ABCC3: variants seen among roughly 807,000 people sequenced by gnomAD.
ABCC3 encodes ATP binding cassette subfamily C member 3.
A neutral mutation model predicts 165.3 loss-of-function variants in ABCC3; 121 were observed. The ratio of observed to expected loss-of-function variants is 0.73; its 90% confidence interval spans 0.63 to 0.85. The LOEUF is 0.85. Among genes scored for constraint, ABCC3 ranks in the 40% least tolerant of loss-of-function variants. The pLI, the probability that ABCC3 is intolerant of heterozygous loss-of-function variation, is 0.00. For synonymous variants in ABCC3, 733 were observed against 810.1 expected, an observed-to-expected ratio of 0.90 and a Z score of 1.62; for missense variants, 1,869 against 1,964.1, an observed-to-expected ratio of 0.95 and a Z score of 0.92.
intron 25 of ABCC3, chr17:50,679,442 C>T: frequency 5.7e-6 from 1 of 174,824 alleles, no homozygotes; most frequent in Non-Finnish European, 1.2e-5. Flanking sequence ...CATCACCATC[C>T]TCTGGGAGCT....
chr17:50,681,717 A>G (rs1967932051), intron 26 of ABCC3, among the ~76,000 whole-genome samples: 1 of 152,080 alleles, frequency 6.6e-6, no homozygotes, highest in Admixed American at 6.6e-5. Flanking sequence ...ACAGCTCACC[A>G]GTGACCTTCC....
intron 1 of ABCC3, among the ~76,000 whole-genome samples, chr17:50,649,580 C>CA (rs869270079): frequency 1.0e-5 from 1 of 96,644 alleles, no homozygotes; most frequent in South Asian, 4.3e-4. Context: ...GAGACTTTGT[C>CA]AAAAAAAGAA....
At chr17:50,646,737 G>T (rs999675569) in intron 1 of ABCC3, among the ~76,000 whole-genome samples, 1 of 152,208 alleles carries the variant, frequency 6.6e-6, no homozygotes, top group South Asian at 2.1e-4. Flanking sequence ...GAAGAGATGA[G>T]GGTCTGGCCA....
intron 30 of ABCC3, among the ~76,000 whole-genome samples, chr17:50,689,304 G>A (rs1968076758): frequency 6.6e-6 from 1 of 152,220 alleles, no homozygotes; most frequent in African/African-American, 2.4e-5. Flanking sequence ...ATGAGGGGAG[G>A]GGCCATGCCC....
intron 1 of ABCC3, chr17:50,635,314 G>C: frequency 1.6e-6 from 1 of 628,454 alleles, no homozygotes; most frequent in Non-Finnish European, 2.9e-6. Context: ...CCTCCGTCGG[G>C]TGCGGAAGGG....
chr17:50,664,487 G>A (rs541065333), intron 10 of ABCC3: 8 of 243,356 alleles, frequency 3.3e-5, no homozygotes, highest in East Asian at 2.2e-4. Flanking sequence ...GGTGGATCAC[G>A]AGGTCAGGAG....
At chr17:50,640,606 C>T (rs1264042411) in intron 1 of ABCC3, among the ~76,000 whole-genome samples, 2 of 152,162 alleles carry the variant, frequency 1.3e-5, no homozygotes, top group Non-Finnish European at 2.9e-5. Context: ...GCAACCTCCG[C>T]CTCCCAGGTT....
At chr17:50,672,229 C>T (rs1967663553) in intron 17 of ABCC3, among the ~76,000 whole-genome samples, 1 of 152,186 alleles carries the variant, frequency 6.6e-6, no homozygotes, top group Non-Finnish European at 1.5e-5. Flanking sequence ...ATATTTCAAC[C>T]ATATCACCTA....
intron 29 of ABCC3, 70 bp downstream of exon 29, chr17:50,684,945 C>T: frequency 1.3e-6 from 2 of 1,546,060 alleles, no homozygotes; most frequent in Middle Eastern, 1.9e-4. Flanking sequence ...TGCTGGGAAA[C>T]CTGACACCAA....
chr17:50,641,758 C>T (rs747995515), intron 1 of ABCC3, among the ~76,000 whole-genome samples: 1 of 152,070 alleles, frequency 6.6e-6, no homozygotes, highest in Non-Finnish European at 1.5e-5. Context: ...AAACAAGAAT[C>T]ATAAAGGCCA....
chr17:50,651,757 G>A (rs903729796), intron 1 of ABCC3, among the ~76,000 whole-genome samples: 6 of 152,120 alleles, frequency 3.9e-5, no homozygotes, highest in African/African-American at 1.2e-4. Flanking sequence ...GTATAGGAAG[G>A]ACATCTTTTA....
At chr17:50,677,596 C>A in intron 23 of ABCC3, 148 bp from the exon 24 acceptor site, 4 of 767,482 alleles carry the variant, frequency 5.2e-6, no homozygotes, top group Non-Finnish European at 8.7e-6. Flanking sequence ...AGTCTTGGGT[C>A]CTTGGAGGTG....
chr17:50,668,388 G>A (rs758829747), intron 13 of ABCC3, 42 bp from the exon 14 acceptor site: 4 of 1,568,260 alleles, frequency 2.6e-6, no homozygotes, highest in Admixed American at 3.3e-5. Context: ...GTTGGGGGTT[G>A]GGAAAGTACA....
rs11568599 is a variant in ABCC3, at chr17:50,668,908, C to G, written c.1926C>G (p.Pro642=). The change falls in exon 15 of 31, where the codon CCC becomes CCG. Residue 642 remains proline (P), a synonymous_variant. Coordinates refer to ENST00000285238, the MANE Select transcript of ABCC3 (RefSeq NM_003786.4). ...TCACCTGGGCCCAGGACCTGCCCCCCACTCTGCACAGGTACCAGCTTCTCC... is the reference window on the plus strand; with the variant it reads ...TCACCTGGGCCCAGGACCTGCCCCCGACTCTGCACAGGTACCAGCTTCTCC... ...GTFTWAQDLP[P]TLHSLDIQVP... is the part of the protein sequence containing the mutation. 1.2e-6 allele frequency: 2 copies of G among 1,614,036 alleles called. No individual in the cohort carries two copies. The highest frequency in any genetic ancestry group is 1.1e-5 in the South Asian group (1 of 91,084).
At chr17:50,651,622 G>C (rs1967117621) in intron 1 of ABCC3, among the ~76,000 whole-genome samples, 1 of 152,146 alleles carries the variant, frequency 6.6e-6, no homozygotes, top group Non-Finnish European at 1.5e-5. Flanking sequence ...ACTTTGGCGG[G>C]GCTGAGGCGG....
At chr17:50,655,786 T>C in intron 1 of ABCC3, 46 bp from the exon 2 acceptor site, 1 of 1,582,602 alleles carries the variant, frequency 6.3e-7, no homozygotes, top group Non-Finnish European at 8.7e-7. Flanking sequence ...GCAGCCCAAT[T>C]CTCTGTGGGG....
chr17:50,635,288 C>A, intron 1 of ABCC3: 2 of 621,528 alleles, frequency 3.2e-6, no homozygotes, highest in South Asian at 1.8e-5. Context: ...CTGGGTGAGT[C>A]GGCTCCATCC....
At chr17:50,668,371 G>A in intron 13 of ABCC3, 59 bp from the exon 14 acceptor site, 1 of 1,470,940 alleles carries the variant, frequency 6.8e-7, no homozygotes, top group South Asian at 1.2e-5. Context: ...ATGGGGCGAG[G>A]GTAGGGGTTG....
At chr17:50,661,360 G>T (rs1367671695) in intron 8 of ABCC3, among the ~76,000 whole-genome samples, 1 of 152,216 alleles carries the variant, frequency 6.6e-6, no homozygotes, top group Non-Finnish European at 1.5e-5. Flanking sequence ...ACAAGCATTG[G>T]GTCTTTAAAT....
Sources: gnomAD v4.1 joint callset for allele counts (sites outside exome capture counted in the v4.1 genomes callset) on GRCh38, gnomAD v4.1.1 for gene constraint, MANE v1.5 for transcripts, NCBI Gene and HGNC (gene_info 2026-07-23, HGNC 2026-07-21) for gene names.